C8orf34: variants seen among roughly 807,000 people sequenced by gnomAD.
C8orf34 encodes uncharacterized protein C8orf34.
C8orf34 carries 65 observed loss-of-function variants against 68.3 expected under a neutral mutation model. The observed-to-expected ratio is 0.95, with a 90% CI of 0.78 to 1.17. C8orf34 has a LOEUF of 1.17. C8orf34 is among the 50% of genes most tolerant of loss of function. The pLI, the probability that C8orf34 is intolerant of heterozygous loss-of-function variation, is 0.00. For missense variants in C8orf34, 664 were observed against 655.4 expected, an observed-to-expected ratio of 1.01 and a Z score of -0.14; for synonymous variants, 244 against 241.2, an observed-to-expected ratio of 1.01 and a Z score of -0.11.
At chr8:68,666,689 G>T (rs762361632) in intron 8 of C8orf34, among the ~76,000 whole-genome samples, 1 of 152,082 alleles carries the variant, frequency 6.6e-6, no homozygotes, top group Admixed American at 6.6e-5. Context: ...ATTTAGATTT[G>T]CAATAAAATT....
intron 8 of C8orf34, among the ~76,000 whole-genome samples, chr8:68,686,604 C>A (rs1820526033): frequency 6.6e-6 from 1 of 152,008 alleles, no homozygotes. Flanking sequence ...TCTCAATAAA[C>A]TAGGCATAGA....
chr8:68,748,935 C>T (rs536771710), intron 10 of C8orf34, among the ~76,000 whole-genome samples: 1 of 152,252 alleles, frequency 6.6e-6, no homozygotes, highest in African/African-American at 2.4e-5. Flanking sequence ...GACACATGCA[C>T]ACGTATGTTT....
chr8:68,381,407 T>G (rs916829809), intron 1 of C8orf34, among the ~76,000 whole-genome samples: 1 of 152,196 alleles, frequency 6.6e-6, no homozygotes, highest in Non-Finnish European at 1.5e-5. Context: ...CCACCACTTG[T>G]ATCTAATGTT....
At chr8:68,447,421 G>C (rs1811171079) in intron 3 of C8orf34, 1 of 152,064 alleles carries the variant, frequency 6.6e-6, no homozygotes, top group Admixed American at 6.6e-5. Flanking sequence ...TAGCTACTGG[G>C]ATTCTCCAGT....
chr8:68,399,631 G>A (rs188533341), intron 1 of C8orf34, among the ~76,000 whole-genome samples: 130 of 152,224 alleles, frequency 8.5e-4, no homozygotes, highest in African/African-American at 2.9e-3. Context: ...ATGAGAGCAG[G>A]TACCTTCTTG....
chr8:68,486,334 T>C (rs73264480), intron 4 of C8orf34, among the ~76,000 whole-genome samples: 5,447 of 152,160 alleles, frequency 0.036, 344 homozygotes, highest in African/African-American at 0.12. Flanking sequence ...TCCTTAAAGC[T>C]TTTTCTCCTT....
intron 8 of C8orf34, among the ~76,000 whole-genome samples, chr8:68,686,444 G>A (rs543707775): frequency 1.8e-4 from 28 of 152,182 alleles, no homozygotes; most frequent in Middle Eastern, 3.4e-3. Context: ...ATGATCAAGT[G>A]GGTTCATGCA....
At chr8:68,510,189 G>T (rs751514515) in intron 5 of C8orf34, among the ~76,000 whole-genome samples, 2 of 152,142 alleles carry the variant, frequency 1.3e-5, no homozygotes, top group Non-Finnish European at 2.9e-5. Context: ...CCTATCGTAA[G>T]CCAAATACCA....
chr8:68,357,762 G>T (rs1199560252), intron 1 of C8orf34, among the ~76,000 whole-genome samples: 10 of 152,182 alleles, frequency 6.6e-5, no homozygotes, highest in Admixed American at 6.5e-4. Flanking sequence ...GTCTAAGGAA[G>T]AATGTTGAGG....
chr8:68,494,343 G>C (rs1312311285), intron 5 of C8orf34, among the ~76,000 whole-genome samples: 1 of 152,128 alleles, frequency 6.6e-6, no homozygotes, highest in Non-Finnish European at 1.5e-5. Flanking sequence ...CAGAAACAGT[G>C]TAACAGTGGT....
intron 1 of C8orf34, among the ~76,000 whole-genome samples, chr8:68,373,736 A>G (rs1807666425): frequency 6.6e-6 from 1 of 152,200 alleles, no homozygotes; most frequent in African/African-American, 2.4e-5. Flanking sequence ...AAATAAGTGA[A>G]TACTTTGGAG....
chr8:68,647,307 C>T lies in C8orf34; in HGVS notation c.1241+6796C>T, dbSNP rs192259168. On this transcript the variant is annotated intron_variant, in intron 8 of 13. Transcript: ENST00000518698. ...GATGAAAGAGGAAAGATAACAAGTACCCGTGAGGATGTAGAGAAAAGGGAA... is the reference window on the plus strand; with the variant it reads ...GATGAAAGAGGAAAGATAACAAGTATCCGTGAGGATGTAGAGAAAAGGGAA... Among the ~76,000 whole-genome samples the T allele has an allele frequency of 3.3e-5, 5 of 152,118 alleles. No homozygotes were observed. In the East Asian group the frequency reaches 9.7e-4, roughly 29 times the overall value.
chr8:68,513,809 A>C (rs1814385600), intron 5 of C8orf34, among the ~76,000 whole-genome samples: 1 of 152,108 alleles, frequency 6.6e-6, no homozygotes, highest in Admixed American at 6.5e-5. Context: ...TCCCAGCCCT[A>C]GCAGGGAGCA....
chr8:68,555,695 T>G (rs1816230283), intron 7 of C8orf34, among the ~76,000 whole-genome samples: 1 of 152,160 alleles, frequency 6.6e-6, no homozygotes, highest in Non-Finnish European at 1.5e-5. Flanking sequence ...TTTTTTAAAT[T>G]TACGTCTGCA....
intron 5 of C8orf34, among the ~76,000 whole-genome samples, chr8:68,503,050 C>T (rs1279155536): frequency 1.3e-5 from 2 of 151,866 alleles, no homozygotes; most frequent in African/African-American, 4.8e-5. Context: ...TTCTGAACAA[C>T]AAAAAGCATA....
At chr8:68,676,497 A>G (rs1229457936) in intron 8 of C8orf34, among the ~76,000 whole-genome samples, 1 of 152,174 alleles carries the variant, frequency 6.6e-6, no homozygotes, top group South Asian at 2.1e-4. Context: ...ACAAAGAAAC[A>G]TCAGGCTTAA....
intron 8 of C8orf34, among the ~76,000 whole-genome samples, chr8:68,662,416 GT>G (rs1466123612): frequency 6.6e-6 from 1 of 152,156 alleles, no homozygotes; most frequent in Non-Finnish European, 1.5e-5. Flanking sequence ...CTCACCTTGA[GT>G]TATAATAATC....
At chr8:68,500,912 G>A (rs760426453) in intron 5 of C8orf34, among the ~76,000 whole-genome samples, 1 of 152,112 alleles carries the variant, frequency 6.6e-6, no homozygotes, top group Non-Finnish European at 1.5e-5. Context: ...AGACAGGGAG[G>A]CAGAAGAAGC....
At chr8:68,647,824 A>G (rs1819224496) in intron 8 of C8orf34, among the ~76,000 whole-genome samples, 1 of 152,246 alleles carries the variant, frequency 6.6e-6, no homozygotes, top group Non-Finnish European at 1.5e-5. Flanking sequence ...GCTGGAAATT[A>G]TCCTGTTACT....
Sources: allele counts gnomAD v4.1 joint callset (sites outside exome capture counted in the v4.1 genomes callset), GRCh38; gene constraint gnomAD v4.1.1; transcripts MANE v1.5; gene names NCBI Gene and HGNC (gene_info 2026-07-23, HGNC 2026-07-21).